The following CDK14 variants were observed in gnomAD, a reference collection of about 807,000 sequenced individuals.
CDK14 encodes the protein cyclin dependent kinase 14, also known as cyclin-dependent kinase 14.
In CDK14, 34 loss-of-function variants were observed where a neutral mutation model predicts 60.7. The ratio of observed to expected loss-of-function variants is 0.56; its 90% CI spans 0.43 to 0.75. The LOEUF (loss-of-function observed/expected upper bound fraction) is 0.75, where lower values mean the gene tolerates loss of function less well. Ranked by LOEUF, CDK14 falls within the 30% of genes least tolerant of loss-of-function variation. CDK14 has a pLI of 0.00. For missense variants in CDK14, 482 were observed against 564.1 expected, an observed-to-expected ratio of 0.85 and a Z score of 1.47; for synonymous variants, 197 against 203.7, an observed-to-expected ratio of 0.97 and a Z score of 0.28.
intron 14 of CDK14, among the ~76,000 whole-genome samples, chr7:91,136,793 C>T (rs1272051976): frequency 6.6e-6 from 1 of 151,948 alleles, no homozygotes; most frequent in Non-Finnish European, 1.5e-5. Flanking sequence ...TAAAAAGACC[C>T]TATACAAATG....
At chr7:91,013,622 A>G (rs1796220109) in intron 10 of CDK14, among the ~76,000 whole-genome samples, 1 of 147,532 alleles carries the variant, frequency 6.8e-6, no homozygotes, top group Admixed American at 6.8e-5. Flanking sequence ...TTAAGGAAAA[A>G]TCTTTCTGTG....
chr7:90,928,325 T>A (rs1793487391), intron 8 of CDK14, among the ~76,000 whole-genome samples: 2 of 152,222 alleles, frequency 1.3e-5, no homozygotes, highest in Non-Finnish European at 2.9e-5. Context: ...TCAGCTTTTC[T>A]GCCCTGGTTT....
intron 2 of CDK14, chr7:90,632,245 C>A (rs1800019041): frequency 9.1e-6 from 2 of 220,894 alleles, no homozygotes; most frequent in South Asian, 1.3e-4. Flanking sequence ...TGAGAAGAAC[C>A]ACTGGGTGTC....
intron 4 of CDK14, among the ~76,000 whole-genome samples, chr7:90,752,755 C>G (rs1803897966): frequency 6.6e-6 from 1 of 151,580 alleles, no homozygotes; most frequent in South Asian, 2.1e-4. Context: ...CAATAGAACA[C>G]TAATTAAAGG....
intron 5 of CDK14, among the ~76,000 whole-genome samples, chr7:90,860,877 T>G (rs1790987355): frequency 6.6e-6 from 1 of 152,006 alleles, no homozygotes; most frequent in African/African-American, 2.4e-5. Context: ...GAGGAAGGAG[T>G]GCAGTTTAAG....
intron 14 of CDK14, among the ~76,000 whole-genome samples, chr7:91,176,136 G>T (rs1251425360): frequency 6.6e-6 from 1 of 150,596 alleles, no homozygotes; most frequent in East Asian, 2.0e-4. Flanking sequence ...AATCAAACTA[G>T]AACTCAGGAT....
intron 5 of CDK14, among the ~76,000 whole-genome samples, chr7:90,809,051 A>G (rs1273934568): frequency 1.3e-5 from 2 of 152,202 alleles, no homozygotes; most frequent in Admixed American, 1.3e-4. Context: ...TGTCAGCATT[A>G]GACAGATCAA....
intron 8 of CDK14, among the ~76,000 whole-genome samples, chr7:90,928,418 T>A (rs1793489904): frequency 6.6e-6 from 1 of 152,208 alleles, no homozygotes; most frequent in African/African-American, 2.4e-5. Context: ...ATGTCCTTTC[T>A]GTTTGTTAGT....
rs1473315720 is a variant in CDK14 at position 90,596,651 on chromosome 7, G to A, written c.24G>A (p.Gln8=). The A allele has an allele frequency of 6.2e-7, 1 of 1,612,212 alleles. No individual in the cohort carries two copies. Among genetic ancestry groups the A allele is most frequent in the Non-Finnish European group, 8.5e-7 (1 of 1,179,444 alleles). Residue 8 remains glutamine (Q), a synonymous_variant, in exon 1 of 15, where the codon CAG becomes CAA. Transcript: ENST00000380050. MCDLIEP[Q]PAEKIGKMKK... ...AGATGTGTGACCTCATTGAGCCGCA[G>A]CCGGCCGAGAAGATCGGCAAGATGA...
At chr7:91,148,689 C>A (rs1207286945) in intron 14 of CDK14, among the ~76,000 whole-genome samples, 37 of 152,328 alleles carry the variant, frequency 2.4e-4, no homozygotes, top group Admixed American at 2.0e-3. Flanking sequence ...CATGGTCAGG[C>A]ACACCCAGGA....
intron 14 of CDK14, among the ~76,000 whole-genome samples, chr7:91,206,768 A>G (rs562601693): frequency 5.3e-5 from 8 of 152,200 alleles, no homozygotes; most frequent in Non-Finnish European, 7.3e-5. Flanking sequence ...TTTCTATTTC[A>G]TGTTCATAAA....
rs191709279 is a variant in CDK14 at position 91,062,168 on chromosome 7, C to T, written c.1105+16208C>T. Among the ~76,000 whole-genome samples the T allele has an allele frequency of 2.8e-3, 420 of 152,212 alleles. 4 individuals carry two copies. Among genetic ancestry groups the T allele is most frequent in the African/African-American group, 9.3e-3 (388 of 41,556 alleles). ...TTCAGACTGCTGTGCTAGCAATGAC[C>T]GAGGCTCCATGGGCTTAGGACCCTC... On this transcript the variant is annotated intron_variant, in intron 11 of 14. Coordinates refer to ENST00000380050, the MANE Select transcript of CDK14 (RefSeq NM_001287135.2).
intron 9 of CDK14, among the ~76,000 whole-genome samples, chr7:90,971,079 C>A (rs903430246): frequency 2.6e-5 from 4 of 152,132 alleles, no homozygotes; most frequent in Non-Finnish European, 4.4e-5. Flanking sequence ...CCGCTCCCCC[C>A]ACCCCACAAC....
At chr7:91,119,361 A>G (rs747888920) in intron 14 of CDK14, among the ~76,000 whole-genome samples, 14 of 152,094 alleles carry the variant, frequency 9.2e-5, no homozygotes, top group Non-Finnish European at 1.5e-5. Context: ...GCATGTGCCT[A>G]TAGTCCCAGC....
At chr7:90,791,965 C>G (rs1342193964) in intron 5 of CDK14, among the ~76,000 whole-genome samples, 1 of 150,520 alleles carries the variant, frequency 6.6e-6, no homozygotes, top group Non-Finnish European at 1.5e-5. Context: ...TGCAATGGCA[C>G]AATCTCGGCT....
chr7:90,693,862 A>G (rs567649600), intron 2 of CDK14, among the ~76,000 whole-genome samples: 1 of 152,328 alleles, frequency 6.6e-6, no homozygotes, highest in East Asian at 1.9e-4. Context: ...CTAATATGAC[A>G]CCTTGGTCCT....
intron 10 of CDK14, among the ~76,000 whole-genome samples, chr7:91,020,542 A>G (rs984126251): frequency 6.6e-6 from 1 of 152,366 alleles, no homozygotes; most frequent in African/African-American, 2.4e-5. Flanking sequence ...TGAAAATGCG[A>G]TAAGGAAAAA....
At chr7:90,809,528 T>C (rs1216630008) in intron 5 of CDK14, among the ~76,000 whole-genome samples, 7 of 151,896 alleles carry the variant, frequency 4.6e-5, no homozygotes, top group African/African-American at 1.2e-4. Flanking sequence ...AGGAAAGATC[T>C]AAAATTGACA....
intron 3 of CDK14, among the ~76,000 whole-genome samples, chr7:90,736,818 A>G (rs1803134299): frequency 6.6e-6 from 1 of 152,146 alleles, no homozygotes; most frequent in South Asian, 2.1e-4. Context: ...TCCCAGCCGT[A>G]TACATCTATA....
Sources: allele counts gnomAD v4.1 joint callset (sites outside exome capture counted in the v4.1 genomes callset), GRCh38; gene constraint gnomAD v4.1.1; transcripts MANE v1.5; gene names NCBI Gene and HGNC (gene_info 2026-07-23, HGNC 2026-07-21).